The following TLCD4 variants were observed in gnomAD, a reference collection of about 807,000 sequenced individuals.
The protein encoded by TLCD4 is TLC domain-containing protein 4.
Under a neutral mutation model 24.2 loss-of-function variants are expected in TLCD4, and 7 were observed. That is an observed-to-expected ratio of 0.29 (90% confidence interval 0.16 to 0.54). The LOEUF is 0.54. Among genes scored for constraint, TLCD4 ranks in the 20% least tolerant of loss-of-function variants. The pLI is 0.95. For synonymous variants in TLCD4, 103 were observed against 106.4 expected, an observed-to-expected ratio of 0.97 and a Z score of 0.20; for missense variants, 259 against 313.9, an observed-to-expected ratio of 0.82 and a Z score of 1.32.
At chr1:95,126,353 A>G (rs1237964383) in intron 1 of TLCD4, among the ~76,000 whole-genome samples, 1 of 150,774 alleles carries the variant, frequency 6.6e-6, no homozygotes, top group Non-Finnish European at 1.5e-5. Context: ...GCTTGAACTC[A>G]GGAGGCAGAG....
chr1:95,142,061 AATCAGCTTT>A (rs1011650489), intron 1 of TLCD4, among the ~76,000 whole-genome samples: 10 of 151,114 alleles, frequency 6.6e-5, no homozygotes, highest in Admixed American at 1.3e-4. Context: ...TTCATTTGAG[AATCAGCTTT>A]ATCAAAGATG....
chr1:95,134,242 C>A (rs1221217793), intron 1 of TLCD4, among the ~76,000 whole-genome samples: 1 of 152,022 alleles, frequency 6.6e-6, no homozygotes, highest in Non-Finnish European at 1.5e-5. Context: ...TATGGCAGGG[C>A]TTGACGACAT....
chr1:95,148,887 T>A lies in TLCD4; in HGVS notation c.245+96T>A, dbSNP rs72722133. 3.7e-3 allele frequency: 5,329 copies of A among 1,443,182 alleles called. 15 individuals carry two copies. Among genetic ancestry groups the A allele is most frequent in the Non-Finnish European group, 4.5e-3 (4,842 of 1,065,468 alleles). 89.4% of individuals were successfully genotyped at this position (1,443,182 alleles called of 1,614,324 possible). On this transcript the variant is annotated intron_variant, in intron 3 of 6. Transcript: ENST00000370203. ...ACTTACTTTAAAACAGAAAACATAT[T>A]GATCGTATATGCCTTATTAAAATGC... is the stretch of plus-strand genomic sequence containing the variant.
chr1:95,133,987 C>G (rs964648062), intron 1 of TLCD4, among the ~76,000 whole-genome samples: 1 of 151,526 alleles, frequency 6.6e-6, no homozygotes, highest in Non-Finnish European at 1.5e-5. Context: ...CAGAATAGGG[C>G]TAATGGGTTG....
rs200337389 is a variant in TLCD4, at chr1:95,139,455, A to ATTTTTTTTTTTTTTTTT, written c.-11-4430_-11-4414dup. On this transcript the variant is annotated intron_variant, in intron 1 of 6. Transcript: ENST00000370203. Reference sequence around the variant, plus strand: ...ATAAACTTTTTTATTTAAACCTTTGATTTTTTTTTTTTTTTTTTTTTTGAG... The same window carrying ATTTTTTTTTTTTTTTTT: ...ATAAACTTTTTTATTTAAACCTTTGATTTTTTTTTTTTTTTTTTTTTTTTTTTTTTTTTTTTTTTGAG... Among the ~76,000 whole-genome samples the ATTTTTTTTTTTTTTTTT allele has an allele frequency of 2.7e-4, 25 of 93,994 alleles. 1 individual carries two copies. The highest frequency in any genetic ancestry group is 3.7e-4 in the Non-Finnish European group (18 of 49,304). 61.7% of individuals were successfully genotyped at this position (93,994 alleles called of 152,430 possible).
chr1:95,177,941 T>G (rs920183693), intron 6 of TLCD4, among the ~76,000 whole-genome samples: 5 of 144,234 alleles, frequency 3.5e-5, no homozygotes, highest in East Asian at 2.0e-4. Flanking sequence ...TTTTCTTTTT[T>G]TTTTTTTTTG....
At chr1:95,154,423 G>C (rs1243002926) in intron 5 of TLCD4, among the ~76,000 whole-genome samples, 1 of 152,138 alleles carries the variant, frequency 6.6e-6, no homozygotes, top group Non-Finnish European at 1.5e-5. Context: ...AATGCCCTTA[G>C]CAGTGTGTCC....
intron 1 of TLCD4, among the ~76,000 whole-genome samples, chr1:95,130,935 C>G (rs978459153): frequency 6.6e-6 from 1 of 152,140 alleles, no homozygotes; most frequent in Non-Finnish European, 1.5e-5. Context: ...TGCGGTAATA[C>G]TATGGTTGTC....
the TLCD4 span, among the ~76,000 whole-genome samples, chr1:95,098,289 C>A: frequency 6.6e-6 from 1 of 152,204 alleles, no homozygotes; most frequent in Admixed American, 6.5e-5. Flanking sequence ...TGCCCTGCCC[C>A]ATTTCTAAAC....
rs3075917 is a variant in TLCD4, at chr1:95,141,792, T to TACACACACACACACACACAC, written c.-11-2077_-11-2058dup. ...TTGTAATATCAATATTTTTACCAAGTACACACACACACACACACACACACA... is the reference window on the plus strand; with the variant it reads ...TTGTAATATCAATATTTTTACCAAGTACACACACACACACACACACACACACACACACACACACACACACA... On this transcript the variant is annotated intron_variant, in intron 1 of 6. Coordinates refer to ENST00000370203, the MANE Select transcript of TLCD4 (RefSeq NM_152487.3). Among the ~76,000 whole-genome samples the TACACACACACACACACACAC allele has an allele frequency of 1.1e-3, 156 of 138,660 alleles. 1 individual carries two copies. The highest frequency in any genetic ancestry group is 1.9e-3 in the Non-Finnish European group (122 of 63,968). The allele number at this position is 138,660 out of a possible 152,430, so 91.0% of individuals were successfully genotyped here.
chr1:95,098,764 G>T, the TLCD4 span, among the ~76,000 whole-genome samples: 150,419 of 152,220 alleles, frequency 0.99, 74,341 homozygotes, highest in Middle Eastern at 1. Flanking sequence ...AAGCCTCAGG[G>T]TTTTTCTAGA....
At chr1:95,153,888 G>A (rs1165347055) in intron 5 of TLCD4, among the ~76,000 whole-genome samples, 1 of 152,060 alleles carries the variant, frequency 6.6e-6, no homozygotes, top group East Asian at 1.9e-4. Flanking sequence ...GACTTATTCT[G>A]GATTGATTCT....
At chr1:95,167,601 G>C (rs10747465) in intron 5 of TLCD4, among the ~76,000 whole-genome samples, 149,922 of 152,142 alleles carry the variant, frequency 0.99, 73,903 homozygotes, top group East Asian at 1. Context: ...CCTGACGCAC[G>C]GTAATCTAAG....
At chr1:95,160,000 A>T (rs1677740251) in intron 5 of TLCD4, among the ~76,000 whole-genome samples, 1 of 152,030 alleles carries the variant, frequency 6.6e-6, no homozygotes, top group South Asian at 2.1e-4. Context: ...CTCTTTTTTC[A>T]TTCCATATGA....
chr1:95,142,589 A>G (rs560163644), intron 1 of TLCD4, among the ~76,000 whole-genome samples: 1 of 152,148 alleles, frequency 6.6e-6, no homozygotes, highest in Non-Finnish European at 1.5e-5. Flanking sequence ...AGAATTTTCT[A>G]GGGCTTAAAT....
chr1:95,113,047 T>TA (rs1676368321), upstream of TLCD4, among the ~76,000 whole-genome samples: 1 of 149,298 alleles, frequency 6.7e-6, no homozygotes. Context: ...TTCTTTCTTT[T>TA]TTTTTTTTTT....
chr1:95,106,375 C>A, the TLCD4 span, among the ~76,000 whole-genome samples: 15 of 152,054 alleles, frequency 9.9e-5, no homozygotes, highest in African/African-American at 3.6e-4. Flanking sequence ...TTAAAATATC[C>A]TTTCCCCTAA....
upstream of TLCD4, among the ~76,000 whole-genome samples, chr1:95,116,688 A>G (rs975253898): frequency 6.6e-6 from 1 of 152,186 alleles, no homozygotes; most frequent in Non-Finnish European, 1.5e-5. Context: ...TTTAATGTCA[A>G]ACTTTATCTA....
At chr1:95,171,602 A>G (rs1371644834) in intron 5 of TLCD4, among the ~76,000 whole-genome samples, 2 of 152,216 alleles carry the variant, frequency 1.3e-5, no homozygotes, top group Non-Finnish European at 2.9e-5. Flanking sequence ...TCAACACCAG[A>G]GTGTCCCAGA....
Sources: allele counts gnomAD v4.1 joint callset (sites outside exome capture counted in the v4.1 genomes callset), GRCh38; gene constraint gnomAD v4.1.1; transcripts MANE v1.5; gene names NCBI Gene and HGNC (gene_info 2026-07-23, HGNC 2026-07-21).